Variants in PPFIA2 observed in about 807,000 individuals in gnomAD.
The protein encoded by PPFIA2 is liprin-alpha-2.
PPFIA2 carries 46 observed loss-of-function variants against 175.5 expected under a neutral mutation model. The ratio of observed to expected loss-of-function variants is 0.26; its 90% CI spans 0.21 to 0.34. The LOEUF (loss-of-function observed/expected upper bound fraction) is 0.34. PPFIA2 is among the 10% of genes least tolerant of loss of function. PPFIA2 has a pLI of 1.00. For missense variants in PPFIA2, 1,179 were observed against 1,506.1 expected (o/e 0.78, Z 3.60); for synonymous variants, 568 against 511.4 (o/e 1.11, Z -1.49).
chr12:81,485,631 T>C (rs2058727092), intron 4 of PPFIA2, among the ~76,000 whole-genome samples: 2 of 151,866 alleles, frequency 1.3e-5, no homozygotes, highest in Non-Finnish European at 2.9e-5. Flanking sequence ...AATCACAAGT[T>C]CACATGAAAA....
intron 32 of PPFIA2, 196 bp from the exon 33 acceptor site, chr12:81,259,856 C>A: frequency 2.4e-6 from 1 of 408,774 alleles, no homozygotes; most frequent in Non-Finnish European, 4.3e-6. Context: ...TGCAGGGGAG[C>A]TTAACAAATA....
intron 9 of PPFIA2, among the ~76,000 whole-genome samples, chr12:81,382,760 C>A (rs2038022164): frequency 6.6e-6 from 1 of 151,946 alleles, no homozygotes; most frequent in African/African-American, 2.4e-5. Flanking sequence ...TTTGAGATAT[C>A]CCTTAGTGAC....
chr12:81,350,682 G>A (rs2059860099), intron 17 of PPFIA2, among the ~76,000 whole-genome samples: 1 of 151,982 alleles, frequency 6.6e-6, no homozygotes, highest in Non-Finnish European at 1.5e-5. Context: ...ACAATTGAAT[G>A]GTTAGAAAAA....
chr12:81,562,362 A>C (rs1717339964), intron 4 of PPFIA2, among the ~76,000 whole-genome samples: 1 of 152,236 alleles, frequency 6.6e-6, no homozygotes, highest in Non-Finnish European at 1.5e-5. Context: ...AGGCCAGTAC[A>C]TAAAATGAAA....
chr12:81,560,077 A>T (rs890380997), intron 4 of PPFIA2, among the ~76,000 whole-genome samples: 1 of 152,208 alleles, frequency 6.6e-6, no homozygotes, highest in Non-Finnish European at 1.5e-5. Context: ...GAATTGACGT[A>T]TACCTGTGAT....
rs1017746370 is a variant in PPFIA2, at chr12:81,347,898, C to T, written c.1995-128G>A. The T allele has an allele frequency of 2.8e-5, 37 of 1,338,490 alleles. No homozygotes were observed. In the African/African-American group the frequency reaches 5.2e-4, roughly 19 times the overall value. 82.9% of individuals were successfully genotyped at this position (1,338,490 alleles called of 1,614,324 possible). A position where few individuals can be genotyped will look rare whatever the true frequency, so the allele number is the denominator to read the frequency against. On this transcript the variant is annotated intron_variant, in intron 17 of 32. Coordinates refer to ENST00000549396, the MANE Select transcript of PPFIA2 (RefSeq NM_003625.5). ...TATTCTTGAACATTTTACATCAAATCTAATTTTTTCATCTTTTTTTTTTCT... is the reference window on the plus strand; with the variant it reads ...TATTCTTGAACATTTTACATCAAATTTAATTTTTTCATCTTTTTTTTTTCT...
In PPFIA2 at chr12:81,263,380, T is replaced by C. The variant is rs368764392; in HGVS notation, c.3566A>G (p.Lys1189Arg). The change falls in exon 31 of 33, where the codon AAG becomes AGG. Residue 1189 changes from lysine (K) to arginine (R), a missense_variant. Around this residue, in one of 10 missense-constraint regions of PPFIA2, gnomAD observed 245 missense variants for 375.1 expected, o/e 0.65. Transcript: ENST00000549396. ...CCAGGTTGATCCACGTCTGAAGTTC[T>C]TGTCATCACTCTGCCAGTACAGTTA... ...TERRLDESDD[K>R]NFRRGSTWRR... 143 of 1,612,898 alleles carry C rather than the reference T, an allele frequency of 8.9e-5. No homozygotes were observed. Among genetic ancestry groups the C allele is most frequent in the Non-Finnish European group, 1.2e-4 (141 of 1,179,042 alleles).
rs1445600627 is a variant in PPFIA2, at chr12:81,258,786, A to G, written c.*908T>C. Reference sequence around the variant, plus strand: ...AGCCTCAGACTCTGCGGTGGTTGACATTCACTGTCCAGTACTGGCTGGCAT... The same window carrying G: ...AGCCTCAGACTCTGCGGTGGTTGACGTTCACTGTCCAGTACTGGCTGGCAT... On this transcript the variant is annotated 3_prime_UTR_variant, in exon 33 of 33. Coordinates refer to ENST00000549396, the MANE Select transcript of PPFIA2 (RefSeq NM_003625.5). 1.3e-5 allele frequency: 2 copies of G among 152,002 alleles called. No individual in the cohort carries two copies. Among genetic ancestry groups the G allele is most frequent in the Non-Finnish European group, 2.9e-5 (2 of 68,018 alleles). The allele number at this position is 152,002 out of a possible 1,614,324, so 9.4% of individuals were successfully genotyped here. A position where few individuals can be genotyped will look rare whatever the true frequency, so the allele number is the denominator to read the frequency against.
At chr12:81,581,446 C>T (rs1185832609) in intron 4 of PPFIA2, among the ~76,000 whole-genome samples, 2 of 151,678 alleles carry the variant, frequency 1.3e-5, no homozygotes, top group Non-Finnish European at 2.9e-5. Context: ...GCTTTGATTC[C>T]TCCAGGACTT....
intron 5 of PPFIA2, among the ~76,000 whole-genome samples, chr12:81,451,283 A>C (rs1394056691): frequency 6.6e-6 from 1 of 152,004 alleles, no homozygotes; most frequent in Non-Finnish European, 1.5e-5. Context: ...TGACTGTTTG[A>C]TAGTTCCTCA....
At chr12:81,558,303 T>C (rs1005480660) in intron 4 of PPFIA2, among the ~76,000 whole-genome samples, 1 of 152,142 alleles carries the variant, frequency 6.6e-6, no homozygotes, top group African/African-American at 2.4e-5. Context: ...ACTTCTCAAG[T>C]TGTGGAGCTT....
intron 3 of PPFIA2, among the ~76,000 whole-genome samples, chr12:81,706,505 T>A (rs2077162121): frequency 6.6e-6 from 1 of 152,230 alleles, no homozygotes; most frequent in Admixed American, 6.5e-5. Context: ...TTTATTTATG[T>A]ATAATACTTT....
rs147789090 is a variant in PPFIA2 at position 81,398,370 on chromosome 12, C to A, written c.762+7417G>T. 9.0e-3 allele frequency among the ~76,000 whole-genome samples: 1,374 copies of A among 152,168 alleles called. 24 individuals carry two copies. The highest frequency in any genetic ancestry group is 0.031 in the African/African-American group (1,283 of 41,516). ...GCTCAGTCTAATAAACTCTTCCATCCTCTTAGAAACATGGACAGGTTTAAG... is the reference window on the plus strand; with the variant it reads ...GCTCAGTCTAATAAACTCTTCCATCATCTTAGAAACATGGACAGGTTTAAG... On this transcript the variant is annotated intron_variant, in intron 8 of 32. Coordinates refer to ENST00000549396, the MANE Select transcript of PPFIA2 (RefSeq NM_003625.5).
chr12:81,360,016 T>TTTTG (rs1474701124), intron 15 of PPFIA2, among the ~76,000 whole-genome samples: 3 of 151,848 alleles, frequency 2.0e-5, no homozygotes, highest in South Asian at 2.1e-4. Context: ...ATGCTTTTGT[T>TTTTG]TTTGTTTGTT....
chr12:81,321,229 G>T (rs1486587463), intron 22 of PPFIA2, among the ~76,000 whole-genome samples: 2 of 152,038 alleles, frequency 1.3e-5, no homozygotes, highest in Admixed American at 1.3e-4. Flanking sequence ...CTGATGTTAG[G>T]TGTGACACAT....
At chr12:81,734,347 C>T (rs1179043078) in intron 3 of PPFIA2, among the ~76,000 whole-genome samples, 1 of 151,742 alleles carries the variant, frequency 6.6e-6, no homozygotes, top group East Asian at 1.9e-4. Flanking sequence ...AAAAAAAATG[C>T]ATACAATCAC....
intron 3 of PPFIA2, among the ~76,000 whole-genome samples, chr12:81,737,919 G>A (rs369647443): frequency 3.1e-4 from 47 of 151,570 alleles, no homozygotes; most frequent in Admixed American, 8.6e-4. Flanking sequence ...AAAATGAGGG[G>A]GGAAACAGAA....
At chr12:81,430,604 G>A (rs903734166) in intron 7 of PPFIA2, 2 of 151,276 alleles carry the variant, frequency 1.3e-5, no homozygotes, top group East Asian at 2.0e-4. Flanking sequence ...TTGGTTCAGT[G>A]ACTCTTGACT....
intron 4 of PPFIA2, among the ~76,000 whole-genome samples, chr12:81,520,578 T>C (rs2063000043): frequency 6.6e-6 from 1 of 152,218 alleles, no homozygotes; most frequent in Non-Finnish European, 1.5e-5. Flanking sequence ...GTTTCTTCTT[T>C]TGACATATAT....
Sources: gnomAD v4.1 joint callset for allele counts (sites outside exome capture counted in the v4.1 genomes callset) on GRCh38, gnomAD v4.1.1 for gene constraint, gnomAD v4.1.1 regional missense constraint, MANE v1.5 for transcripts, NCBI Gene and HGNC (gene_info 2026-07-23, HGNC 2026-07-21) for gene names.